The following FANCG variants were observed in gnomAD, a reference collection of about 807,000 sequenced individuals.
FANCG encodes the protein FA complementation group G.
FANCG carries 67 observed loss-of-function variants against 73.3 expected under a neutral mutation model. That is an observed-to-expected ratio of 0.91 (90% confidence interval 0.75 to 1.12). The LOEUF (loss-of-function observed/expected upper bound fraction) is 1.12, where lower values mean the gene tolerates loss of function less well. Among genes scored for constraint, FANCG ranks in the 50% most tolerant of loss-of-function variants. The pLI is 0.00. For synonymous variants in FANCG, 297 were observed against 311.6 expected, an observed-to-expected ratio of 0.95 and a Z score of 0.49; for missense variants, 643 against 735.6, an observed-to-expected ratio of 0.87 and a Z score of 1.46.
intron 2 of FANCG, 77 bp downstream of exon 2, chr9:35,079,074 A>G: frequency 3.9e-6 from 5 of 1,280,062 alleles, no homozygotes; most frequent in Non-Finnish European, 5.5e-6. Flanking sequence ...AATTATATCG[A>G]TCCCAAAAAC....
At chr9:35,074,735 G>C (rs1273045768) in intron 12 of FANCG, 192 bp downstream of exon 12, 1 of 865,870 alleles carries the variant, frequency 1.2e-6, no homozygotes, top group African/African-American at 1.7e-5. Context: ...GGAAACCAGG[G>C]AACTCTTGGG....
At chr9:35,074,650 G>A in intron 12 of FANCG, 156 bp from the exon 13 acceptor site, 1 of 1,041,876 alleles carries the variant, frequency 9.6e-7, no homozygotes, top group Non-Finnish European at 1.4e-6. Context: ...TCCCATCCCA[G>A]TGTCCATCAT....
chr9:35,075,319 G>A lies in FANCG; in HGVS notation c.1440C>T (p.Leu480=), dbSNP rs776146510. Residue 480 remains leucine, a synonymous_variant, in exon 11 of 14, where the codon CTC becomes CTT. Coordinates refer to ENST00000378643, the MANE Select transcript of FANCG (RefSeq NM_004629.2). ...KVAISEFSRC[L]ELLFRATPEE... ...CAGGTGTGGCCCGGAAGAGCAGCTC[G>A]AGGCACCTGAAGTAGGACACAGAAC... The A allele has an allele frequency of 5.0e-6, 8 of 1,613,982 alleles. No individual in the cohort carries two copies. Among genetic ancestry groups the A allele is most frequent in the East Asian group, 2.2e-5 (1 of 44,896 alleles).
intron 12 of FANCG, 197 bp from the exon 13 acceptor site, chr9:35,074,691 G>A (rs886240022): frequency 1.2e-6 from 1 of 865,684 alleles, no homozygotes; most frequent in Admixed American, 2.1e-5. Flanking sequence ...ACCCACAACA[G>A]CAGAGTCATG....
intron 6 of FANCG, 44 bp downstream of exon 6, chr9:35,076,927 A>T (rs772719813): frequency 6.2e-7 from 1 of 1,614,200 alleles, no homozygotes; most frequent in South Asian, 1.1e-5. Context: ...AAAGCTATAC[A>T]TAATGCTTGT....
chr9:35,077,826 C>T (rs932099370), intron 4 of FANCG, among the ~76,000 whole-genome samples: 3 of 151,698 alleles, frequency 2.0e-5, no homozygotes, highest in Non-Finnish European at 2.9e-5. Flanking sequence ...AGTGCAGTGG[C>T]GTGATCATAG....
intron 4 of FANCG, 88 bp from the exon 5 acceptor site, chr9:35,077,487 C>T: frequency 1.3e-6 from 2 of 1,555,306 alleles, no homozygotes; most frequent in Non-Finnish European, 1.8e-6. Context: ...ACCTTGAGCT[C>T]AAGGGTCCTC....
rs1829040449 is a variant in FANCG, at chr9:35,074,379, A to G, written c.1752T>C (p.Asp584=). Residue 584 remains aspartate, a synonymous_variant, in exon 13 of 14, where the codon GAT becomes GAC. Transcript: ENST00000378643. ...GCAGGCCTGAGCCTCACCACAGAGCATCTTCATGTGACCCCTTAGTTTGGG... is the reference window on the plus strand; with the variant it reads ...GCAGGCCTGAGCCTCACCACAGAGCGTCTTCATGTGACCCCTTAGTTTGGG... The part of the protein sequence containing the change: ...LEAQTKGSHE[D]ALWSLPLYLE... The G allele has an allele frequency of 1.9e-6, 3 of 1,614,074 alleles. No homozygotes were observed. The highest frequency in any genetic ancestry group is 2.5e-6 in the Non-Finnish European group (3 of 1,180,032).
rs778142751 is a variant in FANCG at position 35,076,808 on chromosome 9, A to G, written c.840T>C (p.Gly280=). The change falls in exon 7 of 14, where the codon GGT becomes GGC. Residue 280 remains glycine, a synonymous_variant. Transcript: ENST00000378643. ...GCCTAGAGGCCTCCAGAAGTGGAGG[A>G]CCCCAGGCTGATCCCTCTTTCAGGG... ...VAALKEGSAW[G]PPLLEASRLY... is the part of the protein sequence containing the mutation. 8.7e-6 allele frequency: 14 copies of G among 1,613,722 alleles called. No individual in the cohort carries two copies. The highest frequency in any genetic ancestry group is 1.0e-5 in the Non-Finnish European group (12 of 1,179,958).
At position 35,074,076 on chromosome 9, in the gene FANCG, G is replaced by A. The variant is rs758575797; in HGVS notation, c.*32C>T. On this transcript the variant is annotated 3_prime_UTR_variant, in exon 14 of 14. Coordinates refer to ENST00000378643, the MANE Select transcript of FANCG (RefSeq NM_004629.2). ...TCCCCACAGAGAGACAGCCCACTGG[G>A]GACCCAGCTCAAGCTCTTCAAAACG... The A allele has an allele frequency of 1.5e-5, 23 of 1,532,114 alleles. No homozygotes were observed. The highest frequency in any genetic ancestry group is 2.2e-5 in the South Asian group (2 of 89,304). The allele number at this position is 1,532,114 out of a possible 1,614,324, so 94.9% of individuals were successfully genotyped here. A position where few individuals can be genotyped will look rare whatever the true frequency, so the allele number is the denominator to read the frequency against.
At position 35,073,843 on chromosome 9, in the gene FANCG, T is replaced by C. The variant is rs1829024371; in HGVS notation, c.*265A>G. 1 of 545,994 alleles carries C rather than the reference T, an allele frequency of 1.8e-6. No individual in the cohort carries two copies. The highest frequency in any genetic ancestry group is 3.1e-5 in the Admixed American group (1 of 32,316). 33.8% of individuals were successfully genotyped at this position (545,994 alleles called of 1,614,324 possible). A position where few individuals can be genotyped will look rare whatever the true frequency, so the allele number is the denominator to read the frequency against. On this transcript the variant is annotated 3_prime_UTR_variant, in exon 14 of 14. Coordinates refer to ENST00000378643, the MANE Select transcript of FANCG (RefSeq NM_004629.2). Reference sequence around the variant, plus strand: ...ATATGTAGTAGGCAGACGAGATAAATATGAAATTTTACTCGACAACAGAAA... The same window carrying C: ...ATATGTAGTAGGCAGACGAGATAAACATGAAATTTTACTCGACAACAGAAA...
At chr9:35,074,650 G>C (rs556815296) in intron 12 of FANCG, 156 bp from the exon 13 acceptor site, 23 of 1,041,756 alleles carry the variant, frequency 2.2e-5, no homozygotes, top group Middle Eastern at 2.6e-4. Context: ...TCCCATCCCA[G>C]TGTCCATCAT....
chr9:35,077,997 C>T (rs1001653235), intron 4 of FANCG, 144 bp downstream of exon 4: 7 of 802,278 alleles, frequency 8.7e-6, no homozygotes, highest in African/African-American at 1.7e-5. Context: ...AGGGCAAGGT[C>T]ACCCAAGAGT....
Position 35,077,025 on chromosome 9 carries a change from T to TGGACACAGGCCTGAGGCCGC in FANCG, c.703_722dup (p.Val244GlnfsTer37), listed in dbSNP as rs1468431458. 6.2e-7 allele frequency: 1 copy of TGGACACAGGCCTGAGGCCGC among 1,614,222 alleles called. No individual in the cohort carries two copies. The highest frequency in any genetic ancestry group is 8.5e-7 in the Non-Finnish European group (1 of 1,180,034). On this transcript the variant is annotated frameshift_variant, in exon 6 of 14. Coordinates refer to ENST00000378643, the MANE Select transcript of FANCG (RefSeq NM_004629.2). LOFTEE classifies it high-confidence loss of function. ...TGTACACCTGGACCAACACAGGCCG[T>TGGACACAGGCCTGAGGCCGC]GGACACAGGCCTGAGGCCGCTTCAT...
chr9:35,074,923 A>G lies in FANCG; in HGVS notation c.1636+4T>C. 2 of 1,614,136 alleles carry G rather than the reference A, an allele frequency of 1.2e-6. No individual in the cohort carries two copies. The highest frequency in any genetic ancestry group is 1.3e-5 in the African/African-American group (1 of 75,032). ...CATAGCCGACGTCATGCAAGTATAC[A>G]TACCTGGGCACATCTGCACACTGAG... On this transcript the variant is annotated splice_donor_region_variant and intron_variant, in intron 12 of 13. Coordinates refer to ENST00000378643, the MANE Select transcript of FANCG (RefSeq NM_004629.2).
rs2131053908 is a variant in FANCG at position 35,075,565 on chromosome 9, G to A, written c.1333C>T (p.Leu445=). 3.7e-6 allele frequency: 6 copies of A among 1,614,172 alleles called. No homozygotes were observed. Among genetic ancestry groups the A allele is most frequent in the Admixed American group, 1.7e-5 (1 of 60,022 alleles). ...GAGACCCAGAGTGGGCAGTATGGCA[G>A]TTCCTTGGTTCCTTTTCTGGCATCT... The part of the protein sequence containing the change: ...WEDARKGTKE[L]PYCPLWVSAT... The change falls in exon 10 of 14, where the codon CTG becomes TTG. Residue 445 remains leucine, a synonymous_variant. Transcript: ENST00000378643.
chr9:35,077,104 G>C lies in FANCG; in HGVS notation c.647-3C>G, dbSNP rs1311964497. On this transcript the variant is annotated splice_region_variant and splice_polypyrimidine_tract_variant and intron_variant, in intron 5 of 13. Transcript: ENST00000378643. ...CCCTGTGATCAGCTCCTGGAGACCT[G>C]AGGACAGTCAGGGTGTGAGCTTGGA... 6.2e-7 allele frequency: 1 copy of C among 1,614,080 alleles called. No homozygotes were observed. The highest frequency in any genetic ancestry group is 8.5e-7 in the Non-Finnish European group (1 of 1,180,042).
chr9:35,076,516 G>C lies in FANCG; in HGVS notation c.992C>G (p.Pro331Arg), dbSNP rs765722724. Reference protein sequence around the residue: ...FLIEVELLLPPPDLASPLHCG... With the variant: ...FLIEVELLLPRPDLASPLHCG... ...ATGAAGGGGTGAGGCTAGGTCAGGT[G>C]GTGGCAGTAGTAATTCTACCTCAAT... Residue 331 changes from proline (P) to arginine (R), a missense_variant, in exon 8 of 14, where the codon CCA becomes CGA. Physicochemically the swap from Pro to Arg is moderately radical, Grantham distance 103. Coordinates refer to ENST00000378643, the MANE Select transcript of FANCG (RefSeq NM_004629.2). The C allele has an allele frequency of 3.0e-5, 48 of 1,614,066 alleles. No homozygotes were observed. Among genetic ancestry groups the C allele is most frequent in the Admixed American group, 6.7e-5 (4 of 60,004 alleles).
chr9:35,076,332 C>G, intron 8 of FANCG, 100 bp downstream of exon 8: 1 of 1,439,358 alleles, frequency 6.9e-7, no homozygotes, highest in Non-Finnish European at 9.8e-7. Flanking sequence ...CTGCCACTGC[C>G]TCATTCATCC....
Sources: allele counts gnomAD v4.1 joint callset (sites outside exome capture counted in the v4.1 genomes callset), GRCh38; gene constraint gnomAD v4.1.1; transcripts MANE v1.5; gene names NCBI Gene and HGNC (gene_info 2026-07-23, HGNC 2026-07-21).